The following KCND3 variants were observed in gnomAD, a reference collection of about 807,000 sequenced individuals.
KCND3 encodes the protein potassium voltage-gated channel subfamily D member 3.
In KCND3, 9 loss-of-function variants were observed where a neutral mutation model predicts 51.1. The observed-to-expected ratio is 0.18, with a 90% CI of 0.11 to 0.31. KCND3 has a LOEUF of 0.31. KCND3 is among the 10% of genes least tolerant of loss of function. The probability of loss-of-function intolerance (pLI) is 1.00; values close to 1 mark genes in which losing one functional copy is unlikely to be tolerated. For missense variants in KCND3, 526 were observed against 903.8 expected, an observed-to-expected ratio of 0.58 and a Z score of 5.36; for synonymous variants, 349 against 368.0, an observed-to-expected ratio of 0.95 and a Z score of 0.59.
At chr1:111,862,098 G>A (rs1349804551) in intron 2 of KCND3, among the ~76,000 whole-genome samples, 1 of 152,216 alleles carries the variant, frequency 6.6e-6, no homozygotes, top group Non-Finnish European at 1.5e-5. Flanking sequence ...GGCTGGGGAG[G>A]GAGCAGCCCC....
intron 2 of KCND3, among the ~76,000 whole-genome samples, chr1:111,850,378 A>T (rs1003709008): frequency 6.6e-6 from 1 of 151,554 alleles, no homozygotes; most frequent in African/African-American, 2.4e-5. Context: ...CTGAGCCTCT[A>T]CCCCCTCGGG....
intron 2 of KCND3, among the ~76,000 whole-genome samples, chr1:111,965,870 A>G (rs12757519): frequency 5.5e-4 from 84 of 152,152 alleles, no homozygotes; most frequent in Non-Finnish European, 9.4e-4. Context: ...CAAGGCAGCA[A>G]TGGACCGGTA....
At chr1:111,902,569 C>G (rs1035100184) in intron 2 of KCND3, among the ~76,000 whole-genome samples, 2 of 152,164 alleles carry the variant, frequency 1.3e-5, no homozygotes, top group Non-Finnish European at 2.9e-5. Flanking sequence ...GTGAATGCAC[C>G]TGTCTCATGT....
chr1:111,915,755 AAAAAAAAAAAC>A (rs1441453487), intron 2 of KCND3, among the ~76,000 whole-genome samples: 6 of 151,134 alleles, frequency 4.0e-5, no homozygotes, highest in Non-Finnish European at 8.9e-5. Context: ...TCTGTCTCAA[AAAAAAAAAAAC>A]AAAAAAAAAA....
chr1:111,810,493 T>C (rs1665798593), intron 2 of KCND3, among the ~76,000 whole-genome samples: 1 of 152,224 alleles, frequency 6.6e-6, no homozygotes, highest in Admixed American at 6.5e-5. Flanking sequence ...ACCTTCTAAC[T>C]TTCTCTCCAA....
chr1:111,847,712 G>A (rs764303885), intron 2 of KCND3, among the ~76,000 whole-genome samples: 2 of 152,174 alleles, frequency 1.3e-5, no homozygotes, highest in Non-Finnish European at 2.9e-5. Context: ...CCTTCAGCAC[G>A]AGGTAATGGC....
intron 2 of KCND3, among the ~76,000 whole-genome samples, chr1:111,859,649 C>T (rs751156732): frequency 2.0e-5 from 3 of 152,184 alleles, no homozygotes; most frequent in Non-Finnish European, 2.9e-5. Flanking sequence ...CTTGTGCCTA[C>T]CCTACATCTT....
Position 111,923,702 on chromosome 1 carries a change from A to G in KCND3, c.1106+57919T>C, listed in dbSNP as rs915908361. Among the ~76,000 whole-genome samples the G allele has an allele frequency of 3.3e-5, 5 of 152,304 alleles. No homozygotes were observed. In the East Asian group the frequency reaches 5.8e-4, roughly 18 times the overall value. Reference sequence around the variant, plus strand: ...GGAAGCTGCACATATTTCTGTCTCAATGAAAAAACCAACAGGGCCCTGCTA... The same window carrying G: ...GGAAGCTGCACATATTTCTGTCTCAGTGAAAAAACCAACAGGGCCCTGCTA... On this transcript the variant is annotated intron_variant, in intron 2 of 7. Coordinates refer to ENST00000302127, the MANE Select transcript of KCND3 (RefSeq NM_001378969.1).
At chr1:111,830,595 C>T (rs973112390) in intron 2 of KCND3, among the ~76,000 whole-genome samples, 3 of 152,194 alleles carry the variant, frequency 2.0e-5, no homozygotes, top group African/African-American at 2.4e-5. Context: ...CCTGAGTCTG[C>T]GCCCTGCTGT....
At chr1:111,966,012 G>A (rs769217382) in intron 2 of KCND3, among the ~76,000 whole-genome samples, 1 of 152,096 alleles carries the variant, frequency 6.6e-6, no homozygotes, top group Non-Finnish European at 1.5e-5. Flanking sequence ...AGATGGTGGT[G>A]ACTGGGACCT....
chr1:111,931,130 A>G (rs1671951667), intron 2 of KCND3, among the ~76,000 whole-genome samples: 1 of 152,258 alleles, frequency 6.6e-6, no homozygotes, highest in Admixed American at 6.5e-5. Context: ...GATGTAAGAA[A>G]GCACACAGGC....
intron 2 of KCND3, among the ~76,000 whole-genome samples, chr1:111,891,121 C>T (rs183778759): frequency 3.9e-4 from 60 of 152,292 alleles, no homozygotes; most frequent in African/African-American, 1.4e-3. Flanking sequence ...TTTAACCTTT[C>T]TTTGCCCTAT....
Position 111,981,580 on chromosome 1 carries a change from T to G in KCND3, c.1106+41A>C. The G allele has an allele frequency of 1.2e-6, 2 of 1,613,642 alleles. No homozygotes were observed. Among genetic ancestry groups the G allele is most frequent in the Non-Finnish European group, 1.7e-6 (2 of 1,179,840 alleles). ...GGTTTCAGAGGTCATCCAGCTGCCC[T>G]CCAACCTCCGTCCTGGTTTCATCCA... On this transcript the variant is annotated intron_variant, in intron 2 of 7. Transcript: ENST00000302127. The surrounding 1 kb of genome is among the most constrained non-coding windows in gnomAD (Gnocchi z 6.2).
chr1:111,950,353 T>C (rs918996173), intron 2 of KCND3, among the ~76,000 whole-genome samples: 5 of 152,218 alleles, frequency 3.3e-5, no homozygotes, highest in African/African-American at 1.2e-4. Flanking sequence ...AACCCACTGT[T>C]TGACAACACC....
intron 2 of KCND3, among the ~76,000 whole-genome samples, chr1:111,856,426 G>T (rs1668075248): frequency 6.6e-6 from 1 of 152,222 alleles, no homozygotes; most frequent in Admixed American, 6.5e-5. Context: ...CTCTCTGCGT[G>T]CTGTGCACAG....
chr1:111,869,748 T>C (rs557081498), intron 2 of KCND3, among the ~76,000 whole-genome samples: 1 of 152,314 alleles, frequency 6.6e-6, no homozygotes, highest in East Asian at 1.9e-4. Flanking sequence ...GACACTAAAT[T>C]AACTGCTCAC....
chr1:111,842,925 G>T (rs475508), intron 2 of KCND3, among the ~76,000 whole-genome samples: 3 of 152,004 alleles, frequency 2.0e-5, no homozygotes, highest in Non-Finnish European at 4.4e-5. Context: ...GAGTATAAAC[G>T]GCATCTTGAG....
intron 2 of KCND3, among the ~76,000 whole-genome samples, chr1:111,893,634 G>T (rs1236576861): frequency 6.6e-6 from 1 of 152,182 alleles, no homozygotes; most frequent in African/African-American, 2.4e-5. Flanking sequence ...CCCTCTGTTA[G>T]GTGCTCCCTG....
chr1:111,864,033 G>T (rs1480781779), intron 2 of KCND3, among the ~76,000 whole-genome samples: 2 of 152,130 alleles, frequency 1.3e-5, no homozygotes, highest in Non-Finnish European at 2.9e-5. Context: ...TGAGATAAAT[G>T]GGGGCAGCTT....
Sources: allele counts gnomAD v4.1 joint callset (sites outside exome capture counted in the v4.1 genomes callset), GRCh38; gene constraint gnomAD v4.1.1; non-coding constraint Gnocchi (gnomAD v3.1); transcripts MANE v1.5; gene names NCBI Gene and HGNC (gene_info 2026-07-23, HGNC 2026-07-21).